GNAI1: variants seen among roughly 807,000 people sequenced by gnomAD.
The protein encoded by GNAI1 is guanine nucleotide-binding protein G(i) subunit alpha-1.
GNAI1 carries 11 observed loss-of-function variants against 38.9 expected under a neutral mutation model. The observed-to-expected ratio is 0.28, with a 90% CI of 0.18 to 0.47. The LOEUF (loss-of-function observed/expected upper bound fraction) is 0.47, where lower values mean the gene tolerates loss of function less well. GNAI1 is among the 20% of genes least tolerant of loss of function. The pLI is 0.99. For synonymous variants in GNAI1, 166 were observed against 145.1 expected, an observed-to-expected ratio of 1.14 and a Z score of -1.04; for missense variants, 317 against 436.9, an observed-to-expected ratio of 0.73 and a Z score of 2.45.
chr7:80,221,768 G>A lies in GNAI1; in HGVS notation c.*4275G>A, dbSNP rs985935180. On this transcript the variant is annotated 3_prime_UTR_variant, in exon 8 of 8. Coordinates refer to ENST00000649796, the MANE Select transcript of GNAI1 (RefSeq NM_002069.6). The stretch of plus-strand genomic sequence containing the variant: ...AGCAATTGTCCTGCCTCAGCCTCCC[G>A]AGTAGCTGGGATTACAGGCATGCGC... Among the ~76,000 whole-genome samples the A allele has an allele frequency of 2.8e-5, 4 of 144,782 alleles. No individual in the cohort carries two copies. The highest frequency in any genetic ancestry group is 5.1e-5 in the African/African-American group (2 of 39,488). The allele number at this position is 144,782 out of a possible 152,430, so 95.0% of individuals were successfully genotyped here. A position where few individuals can be genotyped will look rare whatever the true frequency, so the allele number is the denominator to read the frequency against.
chr7:80,154,001 C>T (rs1771867241), intron 1 of GNAI1, among the ~76,000 whole-genome samples: 1 of 152,186 alleles, frequency 6.6e-6, no homozygotes, highest in Admixed American at 6.5e-5. Context: ...CGGCTCACTG[C>T]AGCCTCGACT....
At chr7:80,135,462 C>T (rs1787393553) in intron 1 of GNAI1, 184 bp downstream of exon 1, 1 of 420,504 alleles carries the variant, frequency 2.4e-6, no homozygotes, top group Non-Finnish European at 4.1e-6. Flanking sequence ...TGGTCTCTCT[C>T]CGCCCCGGCG....
Position 80,222,185 on chromosome 7 carries a change from G to T in GNAI1, c.*4692G>T, listed in dbSNP as rs1309985906. Among the ~76,000 whole-genome samples, 1 of 151,966 alleles carries T rather than the reference G, an allele frequency of 6.6e-6. No individual in the cohort carries two copies. The highest frequency in any genetic ancestry group is 2.4e-5 in the African/African-American group (1 of 41,362). Reference sequence around the variant, plus strand: ...GAGACACCCAAATATGCACAGACAGGAATCAGCTGCAATTGTCCAAGCCAG... The same window carrying T: ...GAGACACCCAAATATGCACAGACAGTAATCAGCTGCAATTGTCCAAGCCAG... On this transcript the variant is annotated 3_prime_UTR_variant, in exon 8 of 8. Transcript: ENST00000649796.
At chr7:80,173,117 T>G (rs1454289516) in intron 1 of GNAI1, among the ~76,000 whole-genome samples, 1 of 152,130 alleles carries the variant, frequency 6.6e-6, no homozygotes, top group Non-Finnish European at 1.5e-5. Context: ...ATTGTGCCCT[T>G]AAGGTGAAAG....
At chr7:80,146,911 A>G (rs892953446) in intron 1 of GNAI1, among the ~76,000 whole-genome samples, 7 of 152,204 alleles carry the variant, frequency 4.6e-5, no homozygotes, top group African/African-American at 1.7e-4. Context: ...ATCACACTTA[A>G]TATTATTGCT....
intron 7 of GNAI1, 37 bp downstream of exon 7, chr7:80,212,906 A>G (rs1223690317): frequency 1.4e-6 from 2 of 1,412,752 alleles, no homozygotes; most frequent in Non-Finnish European, 1.9e-6. Context: ...GTCAAGTTAC[A>G]TATTTCTAAG....
intron 1 of GNAI1, among the ~76,000 whole-genome samples, chr7:80,143,834 C>A (rs1214687866): frequency 1.3e-5 from 2 of 151,882 alleles, no homozygotes; most frequent in Admixed American, 1.3e-4. Flanking sequence ...TGGAATCAGC[C>A]CTCCCTTGCA....
rs112370622 is a variant in GNAI1, at chr7:80,223,062, G to C, written c.*5569G>C. 4.6e-5 allele frequency among the ~76,000 whole-genome samples: 7 copies of C among 152,278 alleles called. No individual in the cohort carries two copies. The highest frequency in any genetic ancestry group is 1.4e-4 in the African/African-American group (6 of 41,560). On this transcript the variant is annotated 3_prime_UTR_variant, in exon 8 of 8. Transcript: ENST00000649796. The stretch of plus-strand genomic sequence containing the variant: ...ACTGAAAATGAAAAACAGATTGATT[G>C]CATGGGTACTTGAAATATGGTTTCT...
chr7:80,172,774 C>G (rs1376445553), intron 1 of GNAI1, among the ~76,000 whole-genome samples: 2 of 152,126 alleles, frequency 1.3e-5, no homozygotes, highest in Admixed American at 6.6e-5. Flanking sequence ...TATTTTCTTT[C>G]CGTGGCATTC....
rs79317599 is a variant in GNAI1 at position 80,207,443 on chromosome 7, C to T, written c.591-3526C>T. ...TTCCAGGAGGTTCATTTATCATACT[C>T]CATTTAGGCTTCTTGGTTGAGGTTG... On this transcript the variant is annotated intron_variant, in intron 5 of 7. Transcript: ENST00000649796. 4.4e-3 allele frequency among the ~76,000 whole-genome samples: 674 copies of T among 152,076 alleles called. 5 individuals carry two copies. Among genetic ancestry groups the T allele is most frequent in the Non-Finnish European group, 7.5e-3 (510 of 67,918 alleles).
At chr7:80,196,247 A>G (rs1472392926) in intron 3 of GNAI1, among the ~76,000 whole-genome samples, 1 of 152,006 alleles carries the variant, frequency 6.6e-6, no homozygotes, top group Admixed American at 6.6e-5. Context: ...TAGTAATTTG[A>G]AAATATTTTA....
At chr7:80,212,097 C>T (rs1337312118) in intron 6 of GNAI1, among the ~76,000 whole-genome samples, 3 of 151,926 alleles carry the variant, frequency 2.0e-5, no homozygotes, top group African/African-American at 4.8e-5. Context: ...CTGAGTATAC[C>T]GAGAGACGAT....
intron 1 of GNAI1, among the ~76,000 whole-genome samples, chr7:80,137,228 G>A (rs556625739): frequency 7.1e-4 from 107 of 150,232 alleles, no homozygotes; most frequent in Non-Finnish European, 1.2e-3. Flanking sequence ...TGAGTTCAGA[G>A]AAAGATGTAG....
intron 1 of GNAI1, among the ~76,000 whole-genome samples, chr7:80,167,788 G>A (rs1584022840): frequency 6.6e-6 from 1 of 152,256 alleles, no homozygotes; most frequent in East Asian, 1.9e-4. Context: ...CAAATGACAA[G>A]GATTACAGTC....
Position 80,210,406 on chromosome 7 carries a change from A to G in GNAI1, c.591-563A>G, listed in dbSNP as rs184786931. 3.7e-3 allele frequency among the ~76,000 whole-genome samples: 561 copies of G among 152,182 alleles called. 4 individuals are homozygous for G. The highest frequency in any genetic ancestry group is 6.7e-3 in the Non-Finnish European group (455 of 68,010). On this transcript the variant is annotated intron_variant, in intron 5 of 7. Transcript: ENST00000649796. ...GTATCATGATTTTACTTTTTATGCA[A>G]ACCTACCCTATCTGAATTTCATTTG...
At chr7:80,212,620 T>C in intron 6 of GNAI1, 96 bp from the exon 7 acceptor site, 1 of 679,440 alleles carries the variant, frequency 1.5e-6, no homozygotes. Flanking sequence ...TTTCAATCAC[T>C]AAACTCTGTT....
At chr7:80,135,970 G>C in intron 1 of GNAI1, 3 of 985,308 alleles carry the variant, frequency 3.0e-6, no homozygotes, top group Non-Finnish European at 3.6e-6. Flanking sequence ...AGGCAAGGCA[G>C]ATACTCGAGT....
Position 80,189,136 on chromosome 7 carries a change from A to G in GNAI1, c.208A>G (p.Lys70Glu). 1.2e-6 allele frequency: 2 copies of G among 1,606,732 alleles called. No individual in the cohort carries two copies. The highest frequency in any genetic ancestry group is 1.7e-6 in the Non-Finnish European group (2 of 1,176,824). The change falls in exon 3 of 8, where the codon AAA becomes GAA. Residue 70 changes from lysine (K) to glutamate (E), a missense_variant. Lys to Glu is a moderately conservative substitution (Grantham distance 56). Transcript: ENST00000649796. ...GYSEEECKQYKAVVYSNTIQS... is the reference protein window; with the variant it reads ...GYSEEECKQYEAVVYSNTIQS... ...TTCAGAAGAGGAGTGTAAACAATACAAAGCAGTGGTCTACAGTAACACCAT... is the reference window on the plus strand; with the variant it reads ...TTCAGAAGAGGAGTGTAAACAATACGAAGCAGTGGTCTACAGTAACACCAT...
Position 80,218,565 on chromosome 7 carries a change from G to T in GNAI1, c.*1072G>T, listed in dbSNP as rs1562847304. 6.6e-6 allele frequency: 1 copy of T among 152,036 alleles called. No individual in the cohort carries two copies. The highest frequency in any genetic ancestry group is 1.5e-5 in the Non-Finnish European group (1 of 67,986). 9.4% of individuals were successfully genotyped at this position (152,036 alleles called of 1,614,324 possible). A position where few individuals can be genotyped will look rare whatever the true frequency, so the allele number is the denominator to read the frequency against. ...TCCTTGTTGGGAAGATAACAAGAAG[G>T]ATCTTTGAATACTCTATTGCTGATA... On this transcript the variant is annotated 3_prime_UTR_variant, in exon 8 of 8. Transcript: ENST00000649796.
Sources: allele counts gnomAD v4.1 joint callset (sites outside exome capture counted in the v4.1 genomes callset), GRCh38; gene constraint gnomAD v4.1.1; transcripts MANE v1.5; gene names NCBI Gene and HGNC (gene_info 2026-07-23, HGNC 2026-07-21).